MTRES1: variants seen among roughly 807,000 people sequenced by gnomAD.
MTRES1 encodes uncharacterized protein C6orf203.
Under a neutral mutation model 17.4 loss-of-function variants are expected in MTRES1, and 11 were observed. The observed-to-expected ratio is 0.63, with a 90% confidence interval of 0.40 to 1.05. The LOEUF (loss-of-function observed/expected upper bound fraction) is 1.05, where lower values mean the gene tolerates loss of function less well. Ranked by LOEUF, MTRES1 falls within the 50% of genes least tolerant of loss-of-function variation. MTRES1 has a pLI of 0.00. For synonymous variants in MTRES1, 94 were observed against 99.6 expected (o/e 0.94, Z 0.34); for missense variants, 268 against 276.2 (o/e 0.97, Z 0.21).
intron 2 of MTRES1, among the ~76,000 whole-genome samples, chr6:107,043,866 C>T (rs1349814424): frequency 7.2e-5 from 11 of 152,194 alleles, no homozygotes; most frequent in Admixed American, 1.3e-4. Flanking sequence ...CGGTGGTTCA[C>T]GCCTGTAATC....
intron 1 of MTRES1, among the ~76,000 whole-genome samples, chr6:107,033,646 G>A (rs999607544): frequency 3.3e-5 from 5 of 152,028 alleles, no homozygotes; most frequent in Admixed American, 1.3e-4. Flanking sequence ...GTGAAACCCC[G>A]TCTCTACCAA....
chr6:107,039,351 CTCTT>C (rs1554227282), intron 1 of MTRES1, among the ~76,000 whole-genome samples: 3 of 151,728 alleles, frequency 2.0e-5, no homozygotes, highest in African/African-American at 7.3e-5. Context: ...TGTGGTTTCT[CTCTT>C]GTTGCCTGGG....
In MTRES1 at chr6:107,045,797, G is replaced by A. The variant is rs1269349924; in HGVS notation, c.543+1465G>A. 2.6e-5 allele frequency among the ~76,000 whole-genome samples: 4 copies of A among 152,178 alleles called. No homozygotes were observed. The East Asian group carries it at 5.8e-4, about 22-fold the overall frequency. ...AGACATAATCTAACTCAGTGTTCAG[G>A]GAACAAAGGTTCCAGAGAAGTTAGA... On this transcript the variant is annotated intron_variant, in intron 3 of 3. Coordinates refer to ENST00000311381, the MANE Select transcript of MTRES1 (RefSeq NM_016487.5).
intron 1 of MTRES1, among the ~76,000 whole-genome samples, chr6:107,029,762 G>T (rs539732939): frequency 6.6e-6 from 1 of 152,276 alleles, no homozygotes; most frequent in African/African-American, 2.4e-5. Flanking sequence ...GGAATTACAG[G>T]CATGAGCCAC....
Position 107,040,077 on chromosome 6 carries a change from C to T in MTRES1, c.317C>T (p.Ser106Phe). The change falls in exon 2 of 4, where the codon TCT (serine) becomes TTT (phenylalanine). Residue 106 changes from serine (S) to phenylalanine (F), a missense_variant. Ser to Phe is a radical substitution (Grantham distance 155, BLOSUM62 -2). Coordinates refer to ENST00000311381, the MANE Select transcript of MTRES1 (RefSeq NM_016487.5). ...CTGCAAAAAGTAGATGAAGAGGACT[C>T]TGATGAAGAAAGCCATCATGATGAG... ...KSLQKVDEEDSDEESHHDEMS... is the reference protein window; with the variant it reads ...KSLQKVDEEDFDEESHHDEMS... 1 of 1,613,698 alleles carries T rather than the reference C, an allele frequency of 6.2e-7. No homozygotes were observed. Among genetic ancestry groups the T allele is most frequent in the Admixed American group, 1.7e-5 (1 of 59,980 alleles).
chr6:107,043,387 A>C (rs1218320779), intron 2 of MTRES1, among the ~76,000 whole-genome samples: 1 of 152,028 alleles, frequency 6.6e-6, no homozygotes, highest in East Asian at 1.9e-4. Flanking sequence ...TATACAGTTG[A>C]TGCTTGAACA....
At chr6:107,040,254 A>T in intron 2 of MTRES1, 24 bp downstream of exon 2, 1 of 1,558,384 alleles carries the variant, frequency 6.4e-7, no homozygotes. Context: ...GCATTTCATT[A>T]TAAACTCGCT....
At chr6:107,043,234 T>G (rs1389309038) in intron 2 of MTRES1, among the ~76,000 whole-genome samples, 3 of 151,590 alleles carry the variant, frequency 2.0e-5, no homozygotes, top group Non-Finnish European at 4.4e-5. Context: ...CTCAGGAGGC[T>G]GAGGCAGGAG....
intron 1 of MTRES1, among the ~76,000 whole-genome samples, chr6:107,038,033 T>G (rs1774069024): frequency 6.6e-6 from 1 of 152,156 alleles, no homozygotes; most frequent in African/African-American, 2.4e-5. Context: ...ATTTTAAAAT[T>G]ATTCCAAATT....
rs548425152 is a variant in MTRES1, at chr6:107,039,326, T to G, written c.-12-423T>G. 3.3e-5 allele frequency among the ~76,000 whole-genome samples: 5 copies of G among 152,168 alleles called. No homozygotes were observed. In the East Asian group the frequency reaches 9.7e-4, roughly 30 times the overall value. ...TTTTTGTTTTTTTGTTTTTTGGTTTTTTTTAATTTTGGGATGTGGTTTCTC... is the reference window on the plus strand; with the variant it reads ...TTTTTGTTTTTTTGTTTTTTGGTTTGTTTTAATTTTGGGATGTGGTTTCTC... On this transcript the variant is annotated intron_variant, in intron 1 of 3. Transcript: ENST00000311381.
chr6:107,036,315 G>A (rs1251777277), intron 1 of MTRES1, among the ~76,000 whole-genome samples: 3 of 151,496 alleles, frequency 2.0e-5, no homozygotes, highest in South Asian at 2.1e-4. Flanking sequence ...AGGCTGAGGC[G>A]GACAGATCAC....
At chr6:107,035,780 C>A (rs1773987560) in intron 1 of MTRES1, among the ~76,000 whole-genome samples, 1 of 151,976 alleles carries the variant, frequency 6.6e-6, no homozygotes, top group Non-Finnish European at 1.5e-5. Flanking sequence ...TCCCGAGTAG[C>A]TGAGATAACA....
intron 1 of MTRES1, among the ~76,000 whole-genome samples, chr6:107,032,036 G>A (rs1033216624): frequency 2.6e-5 from 4 of 152,102 alleles, no homozygotes; most frequent in Non-Finnish European, 5.9e-5. Context: ...ATTAAGATGA[G>A]GACTAACATG....
At chr6:107,047,214 T>TTTTTTC (rs1466292747) in intron 3 of MTRES1, among the ~76,000 whole-genome samples, 3 of 152,008 alleles carry the variant, frequency 2.0e-5, no homozygotes, top group Non-Finnish European at 4.4e-5. Flanking sequence ...TGTATATTTT[T>TTTTTTC]TTTTTCTTTT....
intron 1 of MTRES1, among the ~76,000 whole-genome samples, chr6:107,030,337 A>C (rs781958723): frequency 1.3e-5 from 2 of 152,222 alleles, no homozygotes; most frequent in Admixed American, 6.5e-5. Context: ...GGAGGTGTCA[A>C]ATAGGCAGCT....
At chr6:107,035,190 A>G (rs892859720) in intron 1 of MTRES1, among the ~76,000 whole-genome samples, 35 of 151,714 alleles carry the variant, frequency 2.3e-4, no homozygotes, top group African/African-American at 7.0e-4. Context: ...CTGGAGTGCA[A>G]TGACACAATC....
intron 2 of MTRES1, chr6:107,040,837 C>T (rs1414698929): frequency 6.6e-6 from 1 of 150,430 alleles, no homozygotes; most frequent in Non-Finnish European, 1.5e-5. Flanking sequence ...CCACTGCACT[C>T]CAGCCTGGGT....
intron 1 of MTRES1, among the ~76,000 whole-genome samples, chr6:107,034,935 C>T (rs980791207): frequency 1.0e-4 from 15 of 150,336 alleles, no homozygotes; most frequent in East Asian, 6.0e-4. Context: ...TGCAGTGAAC[C>T]GAGATCACAC....
chr6:107,045,764 G>C (rs1774370852), intron 3 of MTRES1, among the ~76,000 whole-genome samples: 1 of 152,112 alleles, frequency 6.6e-6, no homozygotes, highest in African/African-American at 2.4e-5. Context: ...AAGACACGAG[G>C]TATTGGAAGA....
Sources: allele counts gnomAD v4.1 joint callset (sites outside exome capture counted in the v4.1 genomes callset), GRCh38; gene constraint gnomAD v4.1.1; transcripts MANE v1.5; gene names NCBI Gene and HGNC (gene_info 2026-07-23, HGNC 2026-07-21).